Variants in PRKAR2B observed in about 807,000 individuals in gnomAD.
PRKAR2B encodes protein kinase cAMP-dependent type II regulatory subunit beta.
In PRKAR2B, 14 loss-of-function variants were observed where a neutral mutation model predicts 49.9. The ratio of observed to expected loss-of-function variants is 0.28; its 90% CI spans 0.19 to 0.44. PRKAR2B has a LOEUF of 0.44. Among genes scored for constraint, PRKAR2B ranks in the 20% least tolerant of loss-of-function variants. PRKAR2B has a pLI of 1.00. For synonymous variants in PRKAR2B, 196 were observed against 197.7 expected, an observed-to-expected ratio of 0.99 and a Z score of 0.07; for missense variants, 393 against 537.9, an observed-to-expected ratio of 0.73 and a Z score of 2.67.
chr7:107,158,731 C>T (rs1242411462), intron 10 of PRKAR2B, among the ~76,000 whole-genome samples: 1 of 152,162 alleles, frequency 6.6e-6, no homozygotes, highest in East Asian at 1.9e-4. Context: ...TATTTGTACA[C>T]TACTAGCAGT....
At chr7:107,090,419 G>A (rs993975396) in intron 2 of PRKAR2B, among the ~76,000 whole-genome samples, 1 of 152,184 alleles carries the variant, frequency 6.6e-6, no homozygotes, top group Non-Finnish European at 1.5e-5. Context: ...AGCTATCCTG[G>A]ATTGACCTGG....
chr7:107,141,063 A>G, intron 5 of PRKAR2B, 110 bp downstream of exon 5: 2 of 715,970 alleles, frequency 2.8e-6, no homozygotes, highest in Admixed American at 5.7e-5. Flanking sequence ...TATTGCCGCT[A>G]CTCTTATTAT....
At chr7:107,146,578 A>G in intron 6 of PRKAR2B, 117 bp downstream of exon 6, 4 of 1,179,966 alleles carry the variant, frequency 3.4e-6, no homozygotes, top group Non-Finnish European at 4.7e-6. Flanking sequence ...CAGGTAATTT[A>G]TTAAGCAGCC....
chr7:107,113,591 G>T (rs866869327), intron 2 of PRKAR2B, among the ~76,000 whole-genome samples: 1 of 152,014 alleles, frequency 6.6e-6, no homozygotes, highest in Non-Finnish European at 1.5e-5. Flanking sequence ...ATGATTAGTC[G>T]CAAACAACAT....
intron 2 of PRKAR2B, among the ~76,000 whole-genome samples, chr7:107,101,599 C>CTCT (rs1794966712): frequency 6.6e-6 from 1 of 152,184 alleles, no homozygotes; most frequent in Non-Finnish European, 1.5e-5. Context: ...CATCCAGGAC[C>CTCT]AAGCGTCAGG....
At chr7:107,138,692 C>G (rs1258262777) in intron 4 of PRKAR2B, among the ~76,000 whole-genome samples, 2 of 145,074 alleles carry the variant, frequency 1.4e-5, no homozygotes, top group African/African-American at 5.1e-5. Flanking sequence ...TGAGACTACT[C>G]ATTTTTTTTG....
intron 3 of PRKAR2B, among the ~76,000 whole-genome samples, chr7:107,124,945 A>G (rs554512878): frequency 1.8e-4 from 27 of 152,242 alleles, no homozygotes; most frequent in Admixed American, 5.2e-4. Flanking sequence ...CAGTTCTGCT[A>G]TAGTAGCTTG....
chr7:107,053,455 A>C (rs1004692941), intron 1 of PRKAR2B, among the ~76,000 whole-genome samples: 2 of 151,988 alleles, frequency 1.3e-5, no homozygotes, highest in African/African-American at 4.8e-5. Flanking sequence ...ACTTAAATTG[A>C]TACTCTAGTA....
At chr7:107,085,645 AT>A (rs1252970917) in intron 2 of PRKAR2B, among the ~76,000 whole-genome samples, 1 of 152,182 alleles carries the variant, frequency 6.6e-6, no homozygotes, top group Non-Finnish European at 1.5e-5. Context: ...GCACATACAT[AT>A]TTAGTTGAAA....
chr7:107,114,424 C>T (rs1270596248), intron 2 of PRKAR2B, among the ~76,000 whole-genome samples: 1 of 151,226 alleles, frequency 6.6e-6, no homozygotes, highest in Non-Finnish European at 1.5e-5. Context: ...TGCAGTGGCA[C>T]CATCTCGGCT....
Position 107,101,135 on chromosome 7 carries a change from ATTTTTTTTTT to A in PRKAR2B, c.344-20803_344-20794del, listed in dbSNP as rs950761298. 6.3e-5 allele frequency among the ~76,000 whole-genome samples: 6 copies of A among 94,690 alleles called. No homozygotes were observed. In the South Asian group the frequency reaches 1.1e-3, roughly 17 times the overall value. 62.1% of individuals were successfully genotyped at this position (94,690 alleles called of 152,430 possible). The stretch of plus-strand genomic sequence containing the variant: ...TTCCTCCCTCTCCAGGTTGTTGCTT[ATTTTTTTTTT>A]TTTTTTTTTTTTTGTAGCTTGTCTA... On this transcript the variant is annotated intron_variant, in intron 2 of 10. Coordinates refer to ENST00000265717, the MANE Select transcript of PRKAR2B (RefSeq NM_002736.3).
rs1584426591 is a variant in PRKAR2B at position 107,097,646 on chromosome 7, A to G, written c.344-24306A>G. On this transcript the variant is annotated intron_variant, in intron 2 of 10. Coordinates refer to ENST00000265717, the MANE Select transcript of PRKAR2B (RefSeq NM_002736.3). ...TTGGCATGTTTTTGCAGTGGCTGGT[A>G]CCAGTTGTTCCTTTCCATGTTTAGT... 2.0e-5 allele frequency among the ~76,000 whole-genome samples: 3 copies of G among 152,118 alleles called. No homozygotes were observed. The South Asian group carries it at 6.2e-4, about 31-fold the overall frequency.
At chr7:107,135,733 A>C (rs771832591) in intron 4 of PRKAR2B, among the ~76,000 whole-genome samples, 93 of 152,190 alleles carry the variant, frequency 6.1e-4, no homozygotes, top group Non-Finnish European at 8.1e-4. Flanking sequence ...GAATTTAATA[A>C]ATGAAGAGAT....
intron 2 of PRKAR2B, among the ~76,000 whole-genome samples, chr7:107,075,606 C>T (rs1490254155): frequency 6.6e-6 from 1 of 151,970 alleles, no homozygotes; most frequent in Non-Finnish European, 1.5e-5. Context: ...CGCCATGTTG[C>T]CCAGGCTCAT....
chr7:107,070,163 T>C lies in PRKAR2B; in HGVS notation c.308-118T>C, dbSNP rs56058309. ...TTTGTATATTCATGGTATTTCCTCT[T>C]ATTTATTCATCTTTTTCTTTAGTTA... is the stretch of plus-strand genomic sequence containing the variant. On this transcript the variant is annotated intron_variant, in intron 1 of 10. Transcript: ENST00000265717. 4.2e-3 allele frequency: 2,562 copies of C among 612,552 alleles called. 17 individuals carry two copies. Among genetic ancestry groups the C allele is most frequent in the Middle Eastern group, 6.6e-3 (22 of 3,312 alleles). 37.9% of individuals were successfully genotyped at this position (612,552 alleles called of 1,614,324 possible).
intron 2 of PRKAR2B, among the ~76,000 whole-genome samples, chr7:107,079,921 T>C (rs1391035523): frequency 6.6e-6 from 1 of 150,836 alleles, no homozygotes; most frequent in Non-Finnish European, 1.5e-5. Context: ...CGGTGTGAGA[T>C]TCCTGAGTAG....
chr7:107,124,208 GC>G (rs931582094), intron 3 of PRKAR2B, among the ~76,000 whole-genome samples: 6 of 152,166 alleles, frequency 3.9e-5, no homozygotes, highest in African/African-American at 1.2e-4. Context: ...TAGTTGGAAT[GC>G]CTTTAATAAA....
intron 2 of PRKAR2B, among the ~76,000 whole-genome samples, chr7:107,095,368 G>C (rs1307954321): frequency 1.3e-5 from 2 of 152,192 alleles, no homozygotes; most frequent in Non-Finnish European, 2.9e-5. Context: ...CTGAGAGTTT[G>C]CTGAAGTTGC....
intron 2 of PRKAR2B, among the ~76,000 whole-genome samples, chr7:107,082,600 AT>A (rs1794533633): frequency 6.6e-6 from 1 of 152,152 alleles, no homozygotes; most frequent in Admixed American, 6.6e-5. Context: ...TTTTATTTTT[AT>A]TTTTATTTTT....
Sources: gnomAD v4.1 joint callset for allele counts (sites outside exome capture counted in the v4.1 genomes callset) on GRCh38, gnomAD v4.1.1 for gene constraint, MANE v1.5 for transcripts, NCBI Gene and HGNC (gene_info 2026-07-23, HGNC 2026-07-21) for gene names.